TRABD2A: variants seen among roughly 807,000 people sequenced by gnomAD.
TRABD2A encodes metalloprotease TIKI1.
Under a neutral mutation model 45.6 loss-of-function variants are expected in TRABD2A, and 43 were observed. The observed-to-expected ratio is 0.94, with a 90% CI of 0.74 to 1.22. The LOEUF (loss-of-function observed/expected upper bound fraction) is 1.22, where lower values mean the gene tolerates loss of function less well. TRABD2A is among the 50% of genes most tolerant of loss of function. The probability of loss-of-function intolerance (pLI) is 0.00; values close to 1 mark genes in which losing one functional copy is unlikely to be tolerated. For synonymous variants in TRABD2A, 269 were observed against 265.0 expected (o/e 1.02, Z -0.15); for missense variants, 642 against 652.4 (o/e 0.98, Z 0.17).
chr2:84,870,409 C>A lies in TRABD2A; in HGVS notation c.485G>T (p.Arg162Leu). The change falls in exon 2 of 7, where the codon CGC (arginine) becomes CTC (leucine). Residue 162 changes from arginine to leucine, a missense_variant. Transcript: ENST00000409520. ...LFNAIAGNWE[R>L]KRPVWVMLMV... is the part of the protein sequence containing the mutation. ...GAGCATCACCCAGACAGGCCTCTTGCGCTCCCAGTTTCCGGCAATAGCATT... is the reference window on the plus strand; with the variant it reads ...GAGCATCACCCAGACAGGCCTCTTGAGCTCCCAGTTTCCGGCAATAGCATT... The A allele has an allele frequency of 2.5e-6, 4 of 1,613,988 alleles. No homozygotes were observed. Among genetic ancestry groups the A allele is most frequent in the South Asian group, 1.1e-5 (1 of 91,088 alleles).
At chr2:84,833,759 C>T (rs1040429589) in intron 4 of TRABD2A, 2 of 151,016 alleles carry the variant, frequency 1.3e-5, no homozygotes, top group Non-Finnish European at 3.0e-5. Flanking sequence ...GCTCACAGCC[C>T]CTGGGCACTT....
At chr2:84,848,587 A>G (rs1044343194) in intron 2 of TRABD2A, among the ~76,000 whole-genome samples, 18 of 143,934 alleles carry the variant, frequency 1.3e-4, no homozygotes, top group African/African-American at 4.2e-4. Context: ...AGACAGAGAG[A>G]GAGAAAGAGA....
intron 2 of TRABD2A, among the ~76,000 whole-genome samples, chr2:84,844,662 G>C (rs1455781811): frequency 6.6e-6 from 1 of 152,208 alleles, no homozygotes; most frequent in African/African-American, 2.4e-5. Flanking sequence ...CAACAACTGG[G>C]AATTGCCAAC....
chr2:84,821,959 C>T lies in TRABD2A; in HGVS notation c.1476G>A (p.Trp492Ter). 1 of 1,605,732 alleles carries T rather than the reference C, an allele frequency of 6.2e-7. No individual in the cohort carries two copies. The highest frequency in any genetic ancestry group is 8.5e-7 in the Non-Finnish European group (1 of 1,176,198). Residue 492 changes from tryptophan to a stop codon, truncating the protein, a stop_gained, in exon 7 of 7, where the codon TGG becomes TGA. Transcript: ENST00000409520. LOFTEE classifies it high-confidence loss of function. ...ACLSLWTPVFWVLVLAFQTET... is the reference protein window; with the variant it reads ...ACLSLWTPVF ...CTGTTTGGAAAGCCAGCACCAGCACCCAGAACACAGGAGTCCAGAGAGACA... is the reference window on the plus strand; with the variant it reads ...CTGTTTGGAAAGCCAGCACCAGCACTCAGAACACAGGAGTCCAGAGAGACA...
intron 2 of TRABD2A, among the ~76,000 whole-genome samples, chr2:84,869,973 C>CAAA (rs36090318): frequency 3.9e-5 from 3 of 76,432 alleles, no homozygotes; most frequent in African/African-American, 1.4e-4. Flanking sequence ...GACTCTGTCC[C>CAAA]AAAAAAAAAA....
intron 1 of TRABD2A, among the ~76,000 whole-genome samples, chr2:84,876,394 C>G (rs992658352): frequency 1.3e-5 from 2 of 152,182 alleles, no homozygotes; most frequent in African/African-American, 2.4e-5. Context: ...AAGTGGCCAG[C>G]AAGGTTGCTG....
At chr2:84,832,353 A>G in intron 4 of TRABD2A, 1 of 576,910 alleles carries the variant, frequency 1.7e-6, no homozygotes, top group Non-Finnish European at 3.1e-6. Flanking sequence ...TTCAGAGACA[A>G]TGACACTGAA....
At chr2:84,856,160 G>T (rs1682295049) in intron 2 of TRABD2A, among the ~76,000 whole-genome samples, 1 of 151,972 alleles carries the variant, frequency 6.6e-6, no homozygotes, top group Admixed American at 6.6e-5. Flanking sequence ...GTAGGGGAAG[G>T]GTCTCCCTTG....
intron 5 of TRABD2A, among the ~76,000 whole-genome samples, chr2:84,829,446 C>T (rs1174103328): frequency 2.7e-5 from 4 of 148,424 alleles, no homozygotes; most frequent in South Asian, 2.1e-4. Flanking sequence ...ACAAAACACA[C>T]GTACCACACA....
At chr2:84,868,575 T>G (rs1682769930) in intron 2 of TRABD2A, among the ~76,000 whole-genome samples, 1 of 152,104 alleles carries the variant, frequency 6.6e-6, no homozygotes, top group Non-Finnish European at 1.5e-5. Flanking sequence ...CATTAACTAA[T>G]TAACTAATGG....
intron 5 of TRABD2A, among the ~76,000 whole-genome samples, chr2:84,827,167 A>T (rs1681174056): frequency 6.6e-6 from 1 of 152,176 alleles, no homozygotes; most frequent in Non-Finnish European, 1.5e-5. Context: ...CTAAACTTCT[A>T]CCCACAAAAG....
chr2:84,857,315 T>A (rs1391204117), intron 2 of TRABD2A, among the ~76,000 whole-genome samples: 1 of 152,246 alleles, frequency 6.6e-6, no homozygotes, highest in African/African-American at 2.4e-5. Flanking sequence ...TCAGAAGGTC[T>A]CCATTCTTGT....
chr2:84,871,643 C>T (rs1005897312), intron 1 of TRABD2A, among the ~76,000 whole-genome samples: 23 of 152,136 alleles, frequency 1.5e-4, no homozygotes, highest in African/African-American at 4.8e-4. Flanking sequence ...CTCGCCACCA[C>T]GCCCAGCTAA....
intron 4 of TRABD2A, chr2:84,835,452 C>T (rs889607726): frequency 6.6e-6 from 1 of 151,694 alleles, no homozygotes; most frequent in Non-Finnish European, 1.5e-5. Context: ...CTTACTCTGT[C>T]ACACAGGCTG....
intron 2 of TRABD2A, among the ~76,000 whole-genome samples, chr2:84,861,976 A>T (rs1339790290): frequency 6.6e-6 from 1 of 152,164 alleles, no homozygotes; most frequent in Non-Finnish European, 1.5e-5. Context: ...GAGTTCAGGG[A>T]GGTACACAAA....
At chr2:84,832,819 G>C (rs955213496) in intron 4 of TRABD2A, 2 of 151,890 alleles carry the variant, frequency 1.3e-5, no homozygotes, top group South Asian at 2.1e-4. Context: ...AAAAAGGAGG[G>C]GGGGGAATTC....
chr2:84,851,314 C>T (rs17025647), intron 2 of TRABD2A, among the ~76,000 whole-genome samples: 1 of 152,088 alleles, frequency 6.6e-6, no homozygotes, highest in Admixed American at 6.5e-5. Context: ...CTGAGGCTTA[C>T]CTGAAAGAGG....
intron 2 of TRABD2A, among the ~76,000 whole-genome samples, chr2:84,845,570 CG>C (rs1681861524): frequency 7.6e-6 from 1 of 131,684 alleles, no homozygotes; most frequent in South Asian, 2.2e-4. Context: ...GAGACAAGGG[CG>C]GGGGAAGAAG....
intron 2 of TRABD2A, among the ~76,000 whole-genome samples, chr2:84,858,396 GT>G (rs751417635): frequency 1.6e-3 from 240 of 152,306 alleles, no homozygotes; most frequent in Non-Finnish European, 3.1e-3. Flanking sequence ...ATAGCTGTCT[GT>G]TTTTCCTACC....
Sources: allele counts gnomAD v4.1 joint callset (sites outside exome capture counted in the v4.1 genomes callset), GRCh38; gene constraint gnomAD v4.1.1; transcripts MANE v1.5; gene names NCBI Gene and HGNC (gene_info 2026-07-23, HGNC 2026-07-21).